The following DNAH9 variants were observed in gnomAD, a reference collection of about 807,000 sequenced individuals.
DNAH9 encodes DNAH9 variant protein.
A neutral mutation model predicts 471.6 loss-of-function variants in DNAH9; 345 were observed. The observed-to-expected ratio is 0.73, with a 90% CI of 0.67 to 0.80. The LOEUF is 0.80. DNAH9 is among the 30% of genes least tolerant of loss of function. The pLI is 0.00. For missense variants in DNAH9, 5,407 were observed against 5,609.2 expected, an observed-to-expected ratio of 0.96 and a Z score of 1.15; for synonymous variants, 2,093 against 2,123.6, an observed-to-expected ratio of 0.99 and a Z score of 0.40.
chr17:11,694,700 T>TTC (rs1200407449), intron 22 of DNAH9, among the ~76,000 whole-genome samples: 28 of 2,278 alleles, frequency 0.012, 13 homozygotes, highest in African/African-American at 0.014. Context: ...CTTTCTCGCT[T>TTC]TCTCTCTCTC....
chr17:11,798,055 A>C (rs1442629644), intron 43 of DNAH9, among the ~76,000 whole-genome samples: 1 of 152,080 alleles, frequency 6.6e-6, no homozygotes, highest in Non-Finnish European at 1.5e-5. Context: ...AGTGACAGCA[A>C]GAACAGACTT....
intron 45 of DNAH9, among the ~76,000 whole-genome samples, chr17:11,821,660 A>G (rs766138972): frequency 2.0e-5 from 3 of 152,154 alleles, no homozygotes; most frequent in Non-Finnish European, 4.4e-5. Flanking sequence ...AGAAAAAAAG[A>G]CTGTTGAAGG....
In DNAH9 at chr17:11,956,712, A is replaced by G. The variant is rs796394307; in HGVS notation, c.12844-5155A>G. Among the ~76,000 whole-genome samples, 3 of 151,998 alleles carry G rather than the reference A, an allele frequency of 2.0e-5. No homozygotes were observed. In the South Asian group the frequency reaches 6.2e-4, roughly 31 times the overall value. On this transcript the variant is annotated intron_variant, in intron 67 of 68. Coordinates refer to ENST00000262442, the MANE Select transcript of DNAH9 (RefSeq NM_001372.4). ...TGGAAATTAAATAGCATATTTCTAA[A>G]TAATTCTAACTATATTGAATAAAAT...
intron 65 of DNAH9, among the ~76,000 whole-genome samples, chr17:11,936,240 G>A (rs1017057326): frequency 6.6e-6 from 1 of 152,130 alleles, no homozygotes; most frequent in African/African-American, 2.4e-5. Flanking sequence ...TATTAGGCTA[G>A]GTGTTAATAA....
chr17:11,611,969 G>A, intron 4 of DNAH9, 189 bp downstream of exon 4: 1 of 634,394 alleles, frequency 1.6e-6, no homozygotes, highest in Non-Finnish European at 2.8e-6. Flanking sequence ...TATGCTGTTT[G>A]CAGTTCCACT....
At chr17:11,730,459 A>G (rs62061838) in intron 28 of DNAH9, among the ~76,000 whole-genome samples, 12,550 of 152,244 alleles carry the variant, frequency 0.082, 571 homozygotes, top group East Asian at 0.15. Context: ...CCAGATTTTT[A>G]TAAGAAATCA....
intron 67 of DNAH9, among the ~76,000 whole-genome samples, chr17:11,954,544 A>G (rs941931167): frequency 2.0e-5 from 3 of 151,910 alleles, no homozygotes; most frequent in Non-Finnish European, 4.4e-5. Flanking sequence ...TAAAGTACTA[A>G]AAGAAAAAAA....
chr17:11,928,648 G>A (rs1271408890), intron 62 of DNAH9, among the ~76,000 whole-genome samples: 2 of 152,206 alleles, frequency 1.3e-5, no homozygotes, highest in African/African-American at 4.8e-5. Flanking sequence ...CCAGACAGAG[G>A]AGCTTGGGAT....
chr17:11,759,517 CTTTTTTT>C (rs1157505657), intron 35 of DNAH9, among the ~76,000 whole-genome samples: 24 of 83,936 alleles, frequency 2.9e-4, no homozygotes, highest in African/African-American at 9.8e-4. Context: ...ATACACACCA[CTTTTTTT>C]TTTTTTTTTT....
chr17:11,930,124 A>T (rs771531748), intron 63 of DNAH9, 31 bp downstream of exon 63: 1 of 1,572,400 alleles, frequency 6.4e-7, no homozygotes, highest in Non-Finnish European at 8.7e-7. Context: ...CAAAAACAGC[A>T]GCACACCTCA....
At position 11,744,731 on chromosome 17, in the gene DNAH9, T is replaced by C. The variant is rs1463009439; in HGVS notation, c.6112-66T>C. On this transcript the variant is annotated intron_variant, in intron 30 of 68. Transcript: ENST00000262442. ...AATGCTCATAGCATATCTATGATTC[T>C]GCAGACACTCACCCCAGCACATGGT... 2.9e-6 allele frequency: 4 copies of C among 1,392,876 alleles called. No individual in the cohort carries two copies. The East Asian group carries it at 9.2e-5, about 32-fold the overall frequency. 86.3% of individuals were successfully genotyped at this position (1,392,876 alleles called of 1,614,324 possible).
chr17:11,920,869 A>G (rs1974116253), intron 61 of DNAH9, among the ~76,000 whole-genome samples: 1 of 152,004 alleles, frequency 6.6e-6, no homozygotes, highest in African/African-American at 2.4e-5. Flanking sequence ...AGTCGGGTGC[A>G]ATGGCTCATG....
At position 11,629,431 on chromosome 17, in the gene DNAH9, G is replaced by A. The variant is rs1410320024; in HGVS notation, c.1365G>A (p.Thr455=). The A allele has an allele frequency of 9.9e-6, 16 of 1,613,728 alleles. No individual in the cohort carries two copies. The highest frequency in any genetic ancestry group is 2.2e-5 in the East Asian group (1 of 44,890). Residue 455 remains threonine (T), a synonymous_variant, in exon 7 of 69, where the codon ACG becomes ACA. Coordinates refer to ENST00000262442, the MANE Select transcript of DNAH9 (RefSeq NM_001372.4). ...TGTCCCCATAGGGTCTTCTGAAGAC[G>A]GCCCTGGATTTCCACAAACTGGGAA... ...QLHVVEGLLK[T]ALDFHKLGKV...
intron 14 of DNAH9, among the ~76,000 whole-genome samples, chr17:11,653,970 G>A (rs17528748): frequency 7.9e-5 from 12 of 151,662 alleles, no homozygotes; most frequent in African/African-American, 2.9e-4. Flanking sequence ...GCACTGTATC[G>A]AATACCAAGA....
In DNAH9 at chr17:11,690,208, G is replaced by T. The variant is rs945105265; in HGVS notation, c.4386G>T (p.Leu1462=). ...ACCCACGGACCAATGTCCCCCTCCT[G>T]TGCTCTGATGAGGACCTCATAGAGG... ...EPHPRTNVPL[L]CSDEDLIEVL... The change falls in exon 20 of 69, where the codon CTG becomes CTT. Residue 1462 remains leucine (L), a synonymous_variant. Coordinates refer to ENST00000262442, the MANE Select transcript of DNAH9 (RefSeq NM_001372.4). 1 of 1,614,092 alleles carries T rather than the reference G, an allele frequency of 6.2e-7. No homozygotes were observed. The highest frequency in any genetic ancestry group is 1.3e-5 in the African/African-American group (1 of 74,928).
chr17:11,905,837 G>A (rs1230868676), intron 61 of DNAH9, 28 bp downstream of exon 61: 2 of 1,583,500 alleles, frequency 1.3e-6, no homozygotes, highest in African/African-American at 2.7e-5. Context: ...TTGGAGCCAG[G>A]GCTGCATTTG....
At position 11,747,883 on chromosome 17, in the gene DNAH9, G is replaced by A. The variant is rs186996230; in HGVS notation, c.6610+117G>A. The A allele has an allele frequency of 1.3e-4, 122 of 929,362 alleles. 2 individuals carry two copies. Among genetic ancestry groups the A allele is most frequent in the African/African-American group, 1.2e-3 (73 of 60,778 alleles). 57.6% of individuals were successfully genotyped at this position (929,362 alleles called of 1,614,324 possible). A position where few individuals can be genotyped will look rare whatever the true frequency, so the allele number is the denominator to read the frequency against. On this transcript the variant is annotated intron_variant, in intron 32 of 68. Transcript: ENST00000262442. ...ACATTGGACTGATCTGTTTGGAACC[G>A]CGGAGGGAGACAAAAAAGCCAGTAG... is the stretch of plus-strand genomic sequence containing the variant.
At chr17:11,838,818 T>C (rs1305895308) in intron 49 of DNAH9, among the ~76,000 whole-genome samples, 3 of 152,176 alleles carry the variant, frequency 2.0e-5, no homozygotes, top group Non-Finnish European at 2.9e-5. Context: ...AGGACGAATA[T>C]TGCTCCATGA....
intron 67 of DNAH9, among the ~76,000 whole-genome samples, chr17:11,949,628 T>G (rs1240412636): frequency 6.6e-6 from 1 of 152,038 alleles, no homozygotes; most frequent in East Asian, 1.9e-4. Flanking sequence ...ATTACAGGCA[T>G]GCGCCAGCAT....
Sources: allele counts gnomAD v4.1 joint callset (sites outside exome capture counted in the v4.1 genomes callset), GRCh38; gene constraint gnomAD v4.1.1; transcripts MANE v1.5; gene names NCBI Gene and HGNC (gene_info 2026-07-23, HGNC 2026-07-21).